FARS2: variants seen among roughly 807,000 people sequenced by gnomAD.
The protein encoded by FARS2 is phenylalanyl-tRNA synthetase 2, mitochondrial.
FARS2 carries 40 observed loss-of-function variants against 46.4 expected under a neutral mutation model. That is an observed-to-expected ratio of 0.86 (90% CI 0.67 to 1.12). The LOEUF is 1.12. Among genes scored for constraint, FARS2 ranks in the 50% most tolerant of loss-of-function variants. FARS2 has a pLI of 0.00. For synonymous variants in FARS2, 234 were observed against 214.9 expected, an observed-to-expected ratio of 1.09 and a Z score of -0.78; for missense variants, 513 against 567.9, an observed-to-expected ratio of 0.90 and a Z score of 0.98.
At chr6:5,393,537 A>G (rs1333471093) in intron 2 of FARS2, among the ~76,000 whole-genome samples, 2 of 152,142 alleles carry the variant, frequency 1.3e-5, no homozygotes, top group Non-Finnish European at 2.9e-5. Context: ...GCGTGCCTGT[A>G]GTCCCAGCTA....
At chr6:5,370,956 G>A (rs769577804) in intron 2 of FARS2, among the ~76,000 whole-genome samples, 4 of 152,200 alleles carry the variant, frequency 2.6e-5, no homozygotes, top group Non-Finnish European at 5.9e-5. Context: ...TAAAAACCTC[G>A]CAAGGTAGAT....
chr6:5,339,266 TAACA>T (rs984398165), intron 1 of FARS2, among the ~76,000 whole-genome samples: 6 of 152,258 alleles, frequency 3.9e-5, no homozygotes, highest in Admixed American at 1.3e-4. Flanking sequence ...GTTATCTCAG[TAACA>T]AACAATTTTA....
intron 4 of FARS2, among the ~76,000 whole-genome samples, chr6:5,534,827 G>A (rs371668320): frequency 1.5e-3 from 201 of 133,666 alleles, no homozygotes; most frequent in Admixed American, 3.8e-3. Context: ...ACACATGCAC[G>A]CACACACACG....
intron 1 of FARS2, among the ~76,000 whole-genome samples, chr6:5,349,598 T>C (rs1450061215): frequency 3.9e-5 from 6 of 152,220 alleles, no homozygotes. Flanking sequence ...TGTCTTCAAT[T>C]AGCCTGGTAC....
chr6:5,260,834 A>C, upstream of FARS2: 1 of 1,511,302 alleles, frequency 6.6e-7, no homozygotes. Context: ...AACGAAATAA[A>C]ATGCTGCGGC....
At chr6:5,281,096 C>T (rs553201730) in intron 1 of FARS2, among the ~76,000 whole-genome samples, 8 of 152,236 alleles carry the variant, frequency 5.3e-5, no homozygotes, top group East Asian at 1.9e-4. Flanking sequence ...TAGGGCTAAC[C>T]GTTGTCAGCA....
intron 5 of FARS2, among the ~76,000 whole-genome samples, chr6:5,563,448 G>A (rs1456062947): frequency 1.3e-5 from 2 of 152,132 alleles, no homozygotes; most frequent in African/African-American, 2.4e-5. Context: ...AAGAGCCAGG[G>A]CTTTACAAGA....
chr6:5,629,644 T>C (rs574969805), intron 6 of FARS2, among the ~76,000 whole-genome samples: 1 of 152,254 alleles, frequency 6.6e-6, no homozygotes, highest in South Asian at 2.1e-4. Context: ...ATAATCCTAC[T>C]ATGTGCAGTT....
intron 4 of FARS2, among the ~76,000 whole-genome samples, chr6:5,480,293 C>G (rs528451677): frequency 2.0e-4 from 31 of 152,282 alleles, no homozygotes; most frequent in Non-Finnish European, 4.4e-5. Flanking sequence ...ATTAATTGCA[C>G]AACTCCAGAG....
chr6:5,637,116 G>A (rs569470131), intron 6 of FARS2, among the ~76,000 whole-genome samples: 4 of 152,308 alleles, frequency 2.6e-5, no homozygotes, highest in East Asian at 3.9e-4. Context: ...CAGCCCTCCC[G>A]GCCTCAGTGG....
chr6:5,695,808 C>T (rs1464330790), intron 6 of FARS2, among the ~76,000 whole-genome samples: 6 of 152,076 alleles, frequency 3.9e-5, no homozygotes, highest in Non-Finnish European at 8.8e-5. Flanking sequence ...CTCAACAAAC[C>T]GCACCAAAAA....
intron 4 of FARS2, among the ~76,000 whole-genome samples, chr6:5,477,591 T>A (rs1211728478): frequency 1.3e-5 from 2 of 152,252 alleles, no homozygotes; most frequent in East Asian, 3.8e-4. Flanking sequence ...GTATCCAGTC[T>A]TACTAGCTGG....
In FARS2 at chr6:5,409,293, A is replaced by G. The variant is rs1428644712; in HGVS notation, c.772+4592A>G. ...TGAAACCCCCATCTCTACTAAAAAT[A>G]CAAAAAAATTAGCTGGGCGTGGTGG... On this transcript the variant is annotated intron_variant, in intron 3 of 6. Transcript: ENST00000274680. Among the ~76,000 whole-genome samples, 7 of 152,136 alleles carry G rather than the reference A, an allele frequency of 4.6e-5. No individual in the cohort carries two copies. In the East Asian group the frequency reaches 1.3e-3, roughly 29 times the overall value.
chr6:5,596,057 TAA>T (rs998793915), intron 5 of FARS2, among the ~76,000 whole-genome samples: 4 of 152,218 alleles, frequency 2.6e-5, no homozygotes, highest in Non-Finnish European at 5.9e-5. Flanking sequence ...TTAATTTTCA[TAA>T]TAATTCAATG....
At chr6:5,758,080 A>G (rs979330475) in intron 6 of FARS2, among the ~76,000 whole-genome samples, 16 of 152,248 alleles carry the variant, frequency 1.1e-4, no homozygotes, top group Admixed American at 7.9e-4. Context: ...TCCACAAGAC[A>G]TGTGCCATAA....
intron 4 of FARS2, among the ~76,000 whole-genome samples, chr6:5,434,414 A>C (rs1434476662): frequency 6.6e-6 from 1 of 152,190 alleles, no homozygotes; most frequent in Non-Finnish European, 1.5e-5. Flanking sequence ...GCCCAGCCAT[A>C]ATATTTAAAT....
chr6:5,746,376 G>A (rs1043935603), intron 6 of FARS2, among the ~76,000 whole-genome samples: 27 of 152,130 alleles, frequency 1.8e-4, no homozygotes, highest in Admixed American at 6.5e-4. Context: ...GTTTGACAAC[G>A]GCAGGTTTTT....
chr6:5,362,504 A>G (rs946300860), intron 1 of FARS2, among the ~76,000 whole-genome samples: 3 of 152,226 alleles, frequency 2.0e-5, no homozygotes, highest in Non-Finnish European at 2.9e-5. Flanking sequence ...GGTGGATCCC[A>G]TATCTTGGCC....
chr6:5,735,398 C>A (rs1025597232), intron 6 of FARS2, among the ~76,000 whole-genome samples: 1 of 152,190 alleles, frequency 6.6e-6, no homozygotes, highest in African/African-American at 2.4e-5. Context: ...AAGGAAAATG[C>A]TGGACACTTT....
Sources: gnomAD v4.1 joint callset for allele counts (sites outside exome capture counted in the v4.1 genomes callset) on GRCh38, gnomAD v4.1.1 for gene constraint, MANE v1.5 for transcripts, NCBI Gene and HGNC (gene_info 2026-07-23, HGNC 2026-07-21) for gene names.